MARCHF1: variants seen among roughly 807,000 people sequenced by gnomAD.
The protein encoded by MARCHF1 is membrane associated ring-CH-type finger 1.
A neutral mutation model predicts 54.2 loss-of-function variants in MARCHF1; 40 were observed. The ratio of observed to expected loss-of-function variants is 0.74; its 90% CI spans 0.57 to 0.96. The LOEUF is 0.96. Among genes scored for constraint, MARCHF1 ranks in the 40% least tolerant of loss-of-function variants. MARCHF1 has a pLI of 0.00. For synonymous variants in MARCHF1, 236 were observed against 236.3 expected, an observed-to-expected ratio of 1.00 and a Z score of 0.01; for missense variants, 586 against 656.5, an observed-to-expected ratio of 0.89 and a Z score of 1.17.
chr4:163,724,181 G>A (rs982793224), intron 4 of MARCHF1, among the ~76,000 whole-genome samples: 8 of 152,150 alleles, frequency 5.3e-5, no homozygotes, highest in African/African-American at 1.4e-4. Context: ...TTTGATCATG[G>A]TGATGTGCAG....
chr4:163,976,581 T>C (rs1480202008), intron 3 of MARCHF1, among the ~76,000 whole-genome samples: 1 of 152,150 alleles, frequency 6.6e-6, no homozygotes, highest in African/African-American at 2.4e-5. Context: ...TTTTAACCAA[T>C]AGGCTACTGC....
intron 2 of MARCHF1, among the ~76,000 whole-genome samples, chr4:164,032,879 G>A (rs1579476384): frequency 1.3e-5 from 2 of 152,096 alleles, no homozygotes; most frequent in Non-Finnish European, 2.9e-5. Flanking sequence ...AAAGCTGGAG[G>A]CATCATGCTA....
chr4:163,881,476 GAA>G (rs58279371), intron 3 of MARCHF1, among the ~76,000 whole-genome samples: 4 of 147,660 alleles, frequency 2.7e-5, no homozygotes. Flanking sequence ...CATCTCAAAA[GAA>G]AAAAAAAAAT....
chr4:163,958,244 A>AGT (rs58660279), intron 3 of MARCHF1, among the ~76,000 whole-genome samples: 3,374 of 148,496 alleles, frequency 0.023, 46 homozygotes, highest in Non-Finnish European at 0.031. Context: ...CAATCAAGTG[A>AGT]GTGTGTGTGT....
chr4:163,566,196 T>A (rs954712892), intron 8 of MARCHF1, among the ~76,000 whole-genome samples: 6 of 152,234 alleles, frequency 3.9e-5, no homozygotes, highest in Non-Finnish European at 8.8e-5. Context: ...TTCTTTGGCT[T>A]AAACTGCAGT....
chr4:164,115,549 T>G (rs924709665), intron 1 of MARCHF1, among the ~76,000 whole-genome samples: 7 of 152,034 alleles, frequency 4.6e-5, no homozygotes, highest in African/African-American at 1.7e-4. Flanking sequence ...ACTACAAACA[T>G]TGGCATCAAG....
intron 2 of MARCHF1, among the ~76,000 whole-genome samples, chr4:164,012,552 T>A (rs747442287): frequency 6.6e-6 from 1 of 152,094 alleles, no homozygotes; most frequent in African/African-American, 2.4e-5. Flanking sequence ...AGCCAGGCAA[T>A]TGTGGCCACA....
chr4:163,684,480 T>G (rs891852696), intron 5 of MARCHF1, among the ~76,000 whole-genome samples: 4 of 152,180 alleles, frequency 2.6e-5, no homozygotes, highest in African/African-American at 9.7e-5. Flanking sequence ...AACACCAGAT[T>G]TTGAGAGCAC....
intron 3 of MARCHF1, among the ~76,000 whole-genome samples, chr4:163,921,199 C>T (rs576611516): frequency 1.3e-5 from 2 of 152,198 alleles, no homozygotes; most frequent in South Asian, 4.1e-4. Flanking sequence ...CTTTCTTAAA[C>T]ACACACAGTG....
intron 1 of MARCHF1, among the ~76,000 whole-genome samples, chr4:164,206,733 T>G (rs1176622302): frequency 6.6e-6 from 1 of 152,126 alleles, no homozygotes; most frequent in African/African-American, 2.4e-5. Context: ...TCAAAGACTA[T>G]AAACCTAACT....
chr4:163,666,509 C>A (rs1743538440), intron 5 of MARCHF1, among the ~76,000 whole-genome samples: 1 of 152,118 alleles, frequency 6.6e-6, no homozygotes, highest in Non-Finnish European at 1.5e-5. Flanking sequence ...TAAGGAAGTA[C>A]ATGTTCAAAC....
intron 4 of MARCHF1, among the ~76,000 whole-genome samples, chr4:163,818,777 A>C (rs1317696479): frequency 6.6e-6 from 1 of 151,988 alleles, no homozygotes; most frequent in Non-Finnish European, 1.5e-5. Context: ...AGTTGTGGTT[A>C]TTTTCTCACC....
At chr4:164,210,188 T>C (rs922188989) in intron 1 of MARCHF1, among the ~76,000 whole-genome samples, 5 of 152,180 alleles carry the variant, frequency 3.3e-5, no homozygotes, top group African/African-American at 1.2e-4. Context: ...AACTGATTGA[T>C]AAGAAAACTG....
chr4:163,750,513 A>AAACTAAATAAAT (rs1554010358), intron 4 of MARCHF1, among the ~76,000 whole-genome samples: 2 of 142,996 alleles, frequency 1.4e-5, no homozygotes, highest in Non-Finnish European at 3.0e-5. Context: ...TCTGTCTCAA[A>AAACTAAATAAAT]AAATAAATAA....
chr4:163,615,999 T>C (rs1003940173), intron 5 of MARCHF1, among the ~76,000 whole-genome samples: 10 of 152,116 alleles, frequency 6.6e-5, no homozygotes, highest in Non-Finnish European at 1.0e-4. Context: ...TGATGCTTAG[T>C]AAACTGGATA....
At chr4:164,314,142 C>T (rs1364255518) in intron 1 of MARCHF1, among the ~76,000 whole-genome samples, 22 of 152,194 alleles carry the variant, frequency 1.4e-4, no homozygotes, top group Admixed American at 1.4e-3. Context: ...GTCTTCTCTG[C>T]TTTGTGTCAG....
chr4:163,597,876 C>A (rs6811955), intron 7 of MARCHF1, among the ~76,000 whole-genome samples: 68,463 of 151,874 alleles, frequency 0.45, 15,488 homozygotes, highest in Admixed American at 0.48. Flanking sequence ...ACATACTGTC[C>A]TTCATATTTT....
chr4:164,188,467 G>A (rs1447660160), intron 1 of MARCHF1: 1 of 656,434 alleles, frequency 1.5e-6, no homozygotes, highest in Non-Finnish European at 2.8e-6. Context: ...TGGGCACGGT[G>A]GTCTGCGTCG....
chr4:163,956,569 T>C (rs1477304522), intron 3 of MARCHF1, among the ~76,000 whole-genome samples: 1 of 152,058 alleles, frequency 6.6e-6, no homozygotes, highest in Non-Finnish European at 1.5e-5. Context: ...AGGTGGAACA[T>C]TTTTCTTTAA....
Sources: allele counts gnomAD v4.1 joint callset (sites outside exome capture counted in the v4.1 genomes callset), GRCh38; gene constraint gnomAD v4.1.1; transcripts MANE v1.5; gene names NCBI Gene and HGNC (gene_info 2026-07-23, HGNC 2026-07-21).